Variants in FHAD1 observed in about 807,000 individuals in gnomAD.
FHAD1 encodes forkhead-associated domain-containing protein 1.
FHAD1 carries 146 observed loss-of-function variants against 191.3 expected under a neutral mutation model. The observed-to-expected ratio is 0.76, with a 90% CI of 0.67 to 0.88. FHAD1 has a LOEUF of 0.88. Among genes scored for constraint, FHAD1 ranks in the 40% least tolerant of loss-of-function variants. The pLI is 0.00. For synonymous variants in FHAD1, 616 were observed against 672.3 expected, an observed-to-expected ratio of 0.92 and a Z score of 1.29; for missense variants, 1,635 against 1,785.8, an observed-to-expected ratio of 0.92 and a Z score of 1.52.
intron 32 of FHAD1, chr1:15,388,477 C>A: frequency 1.1e-6 from 1 of 922,382 alleles, no homozygotes; most frequent in Non-Finnish European, 1.4e-6. Flanking sequence ...AGCAGCCATC[C>A]TAGGCCACTA....
At chr1:15,354,797 G>A (rs144187659) in intron 20 of FHAD1, among the ~76,000 whole-genome samples, 112 of 152,290 alleles carry the variant, frequency 7.4e-4, no homozygotes, top group Non-Finnish European at 1.3e-3. Flanking sequence ...CCAACTGCTC[G>A]TGGAAATATG....
chr1:15,358,959 G>A (rs1043566842), intron 21 of FHAD1, among the ~76,000 whole-genome samples: 11 of 152,050 alleles, frequency 7.2e-5, no homozygotes, highest in Non-Finnish European at 1.0e-4. Flanking sequence ...TGGGGGAGGC[G>A]TGGGGGGAAG....
At chr1:15,348,611 CTT>C (rs1420010885) in intron 18 of FHAD1, among the ~76,000 whole-genome samples, 1 of 152,150 alleles carries the variant, frequency 6.6e-6, no homozygotes, top group Non-Finnish European at 1.5e-5. Flanking sequence ...GTTGGAGAGA[CTT>C]ATTTCAATAA....
At chr1:15,317,749 G>A in intron 9 of FHAD1, 75 bp from the exon 10 acceptor site, 1 of 942,644 alleles carries the variant, frequency 1.1e-6, no homozygotes, top group Non-Finnish European at 1.6e-6. Context: ...GGGATGATGA[G>A]GGCTCAGACC....
At chr1:15,320,858 C>T (rs1676012069) in intron 10 of FHAD1, among the ~76,000 whole-genome samples, 1 of 152,196 alleles carries the variant, frequency 6.6e-6, no homozygotes, top group South Asian at 2.1e-4. Flanking sequence ...TATCTACTTG[C>T]TCAGGGCCAG....
intron 31 of FHAD1, 74 bp downstream of exon 31, chr1:15,382,267 C>T: frequency 1.4e-6 from 2 of 1,444,432 alleles, no homozygotes; most frequent in Non-Finnish European, 1.9e-6. Context: ...CGAGGGTGGT[C>T]CCTGGAGGAT....
Position 15,301,203 on chromosome 1 carries a change from A to C in FHAD1, c.679-2A>C. ...TAAGCCTCCCATCTGATCTCTACCC[A>C]GGATGAAATAATTCTGCTGCTGGGA... is the stretch of plus-strand genomic sequence containing the variant. On this transcript the variant is annotated splice_acceptor_variant, in intron 5 of 33. Transcript: ENST00000688493. LOFTEE classifies it high-confidence loss of function. The C allele has an allele frequency of 6.4e-7, 1 of 1,551,526 alleles. No individual in the cohort carries two copies. Among genetic ancestry groups the C allele is most frequent in the Middle Eastern group, 1.7e-4 (1 of 5,990 alleles).
intron 3 of FHAD1, among the ~76,000 whole-genome samples, chr1:15,283,101 C>T (rs774162060): frequency 1.5e-4 from 23 of 152,246 alleles, no homozygotes; most frequent in Admixed American, 1.0e-3. Flanking sequence ...TACACAGAAA[C>T]GAAGGGGTGG....
At chr1:15,391,340 G>A in intron 33 of FHAD1, 77 bp downstream of exon 33, 1 of 988,948 alleles carries the variant, frequency 1.0e-6, no homozygotes, top group Non-Finnish European at 1.4e-6. Flanking sequence ...GCTTGAGACG[G>A]AATCTCACTC....
At chr1:15,360,271 G>A (rs932841793) in intron 21 of FHAD1, among the ~76,000 whole-genome samples, 10 of 152,360 alleles carry the variant, frequency 6.6e-5, no homozygotes, top group Middle Eastern at 3.4e-3. Flanking sequence ...CTCAGAGGAC[G>A]TGATGCTGGA....
rs935410464 is a variant in FHAD1, at chr1:15,381,709, G to A, written c.4022+258G>A. ...TTTCTGTGCAAGCTGCACCTCTTGC[G>A]ACCCTTGACTTATGGTTTCCCAGTT... On this transcript the variant is annotated intron_variant, in intron 30 of 33. Transcript: ENST00000688493. This position sits in a 1 kb window ranked among gnomAD's most constrained non-coding sequence, Gnocchi z 4.6. Among the ~76,000 whole-genome samples, 11 of 151,074 alleles carry A rather than the reference G, an allele frequency of 7.3e-5. No homozygotes were observed. Among genetic ancestry groups the A allele is most frequent in the African/African-American group, 1.7e-4 (7 of 41,104 alleles).
At position 15,345,499 on chromosome 1, in the gene FHAD1, G is replaced by A. The variant is rs1302971314; in HGVS notation, c.2322G>A (p.Glu774=). 1.3e-6 allele frequency: 2 copies of A among 1,552,010 alleles called. No individual in the cohort carries two copies. Among genetic ancestry groups the A allele is most frequent in the East Asian group, 4.9e-5 (2 of 40,932 alleles). The part of the protein sequence containing the change: ...EEEQTRVQEL[E]ERLARQKEVL... ...AGCAGACAAGAGTCCAAGAGCTGGA[G>A]GAACGCTTGGCCCGCCAGAAGGAGG... is the stretch of plus-strand genomic sequence containing the variant. The change falls in exon 18 of 34, where the codon GAG becomes GAA. Residue 774 remains glutamate (E), a synonymous_variant. Transcript: ENST00000688493.
intron 1 of FHAD1, among the ~76,000 whole-genome samples, chr1:15,249,018 C>T (rs1216930418): frequency 6.6e-6 from 1 of 152,136 alleles, no homozygotes; most frequent in Non-Finnish European, 1.5e-5. Context: ...TGTCTTTGCT[C>T]TGAAGATGGG....
At chr1:15,401,558 T>C (rs1707127912), downstream of FHAD1, among the ~76,000 whole-genome samples, 1 of 152,194 alleles carries the variant, frequency 6.6e-6, no homozygotes, top group Non-Finnish European at 1.5e-5. Context: ...GCCCTTCTCT[T>C]GAAACTTGGC....
chr1:15,302,223 A>C (rs1377453842), intron 6 of FHAD1, among the ~76,000 whole-genome samples: 3 of 152,118 alleles, frequency 2.0e-5, no homozygotes, highest in Non-Finnish European at 4.4e-5. Context: ...AGCCAGAGAG[A>C]GCTATGGGAA....
chr1:15,274,553 C>T (rs976483375), intron 3 of FHAD1, among the ~76,000 whole-genome samples: 1 of 151,342 alleles, frequency 6.6e-6, no homozygotes, highest in African/African-American at 2.4e-5. Context: ...TGGAGGTTGC[C>T]GTGAGCCGAG....
chr1:15,378,240 G>A (rs1407531340), intron 28 of FHAD1, among the ~76,000 whole-genome samples: 4 of 151,958 alleles, frequency 2.6e-5, no homozygotes, highest in African/African-American at 4.8e-5. Flanking sequence ...AACCAACATC[G>A]CACCACTGCA....
chr1:15,249,447 G>C (rs1646502385), intron 1 of FHAD1, among the ~76,000 whole-genome samples: 1 of 152,196 alleles, frequency 6.6e-6, no homozygotes, highest in Non-Finnish European at 1.5e-5. Flanking sequence ...CTCTGCAATT[G>C]AAGATTAATA....
chr1:15,247,525 C>T (rs1451142696), intron 1 of FHAD1, 130 bp downstream of exon 1: 2 of 161,952 alleles, frequency 1.2e-5, no homozygotes, highest in African/African-American at 4.8e-5. Context: ...GCTCCGGTCC[C>T]CAGGAGCACC....
Sources: allele counts gnomAD v4.1 joint callset (sites outside exome capture counted in the v4.1 genomes callset), GRCh38; gene constraint gnomAD v4.1.1; non-coding constraint Gnocchi (gnomAD v3.1); transcripts MANE v1.5; gene names NCBI Gene and HGNC (gene_info 2026-07-23, HGNC 2026-07-21).